NIPAL2: variants seen among roughly 807,000 people sequenced by gnomAD.
The protein encoded by NIPAL2 is NIPA-like protein 2.
NIPAL2 carries 43 observed loss-of-function variants against 48.9 expected under a neutral mutation model. That is an observed-to-expected ratio of 0.88 (90% confidence interval 0.69 to 1.13). NIPAL2 has a LOEUF of 1.13. Among genes scored for constraint, NIPAL2 ranks in the 50% most tolerant of loss-of-function variants. The pLI, the probability that NIPAL2 is intolerant of heterozygous loss-of-function variation, is 0.00. For missense variants in NIPAL2, 446 were observed against 461.4 expected, an observed-to-expected ratio of 0.97 and a Z score of 0.31; for synonymous variants, 167 against 174.6, an observed-to-expected ratio of 0.96 and a Z score of 0.34.
At chr8:98,225,413 T>C (rs1812120641) in intron 4 of NIPAL2, among the ~76,000 whole-genome samples, 2 of 152,242 alleles carry the variant, frequency 1.3e-5, no homozygotes, top group Admixed American at 6.5e-5. Context: ...CGTCAGTTCC[T>C]GCCCCCATTT....
intron 8 of NIPAL2, among the ~76,000 whole-genome samples, chr8:98,198,961 T>G (rs892703817): frequency 2.0e-5 from 3 of 146,722 alleles, no homozygotes; most frequent in Non-Finnish European, 3.0e-5. Flanking sequence ...TTTCTTTTCT[T>G]TTTTTTTTTT....
chr8:98,214,029 T>C (rs1422448779), intron 5 of NIPAL2, among the ~76,000 whole-genome samples: 1 of 152,200 alleles, frequency 6.6e-6, no homozygotes, highest in Non-Finnish European at 1.5e-5. Flanking sequence ...TCAAATTTAT[T>C]ATGAATAAGT....
intron 1 of NIPAL2, among the ~76,000 whole-genome samples, chr8:98,288,099 T>A (rs2130918219): frequency 6.6e-6 from 1 of 152,212 alleles, no homozygotes; most frequent in Non-Finnish European, 1.5e-5. Flanking sequence ...TGCAGGTTAG[T>A]TACATATGTA....
chr8:98,230,423 G>A lies in NIPAL2; in HGVS notation c.436+5732C>T, dbSNP rs766738639. Among the ~76,000 whole-genome samples, 14 of 152,300 alleles carry A rather than the reference G, an allele frequency of 9.2e-5. No homozygotes were observed. The South Asian group carries it at 1.0e-3, about 11-fold the overall frequency. On this transcript the variant is annotated intron_variant, in intron 4 of 10. Transcript: ENST00000430223. ...CACCAAAAAAGGTCCCAAGGCAAAT[G>A]TATTTGAGCAGAGGTGAATTAAACA...
rs1441994675 is a variant in NIPAL2, at chr8:98,209,663, T to C, written c.655+2742A>G. Among the ~76,000 whole-genome samples, 4 of 151,854 alleles carry C rather than the reference T, an allele frequency of 2.6e-5. No individual in the cohort carries two copies. In the East Asian group the frequency reaches 5.8e-4, roughly 22 times the overall value. On this transcript the variant is annotated intron_variant, in intron 6 of 10. Coordinates refer to ENST00000430223, the MANE Select transcript of NIPAL2 (RefSeq NM_001321635.2). ...TTGTCACTGAGTATGATTTGCTCTG[T>C]TTTATTTGCTAATTTTTTTTTTTTG...
At chr8:98,280,505 C>T (rs1256918633) in intron 1 of NIPAL2, among the ~76,000 whole-genome samples, 1 of 151,612 alleles carries the variant, frequency 6.6e-6, no homozygotes. Flanking sequence ...CTGTACACAC[C>T]AGGGGACGTG....
chr8:98,280,759 T>TAGAGAGAGAGAGAG (rs765271866), intron 1 of NIPAL2, among the ~76,000 whole-genome samples: 5 of 31,278 alleles, frequency 1.6e-4, no homozygotes, highest in Non-Finnish European at 2.8e-4. Context: ...TATATATATA[T>TAGAGAGAGAGAGAG]ATAGAGAGAG....
intron 8 of NIPAL2, among the ~76,000 whole-genome samples, chr8:98,196,319 C>A (rs1810546445): frequency 6.6e-6 from 1 of 152,238 alleles, no homozygotes; most frequent in African/African-American, 2.4e-5. Flanking sequence ...GAAAACAACA[C>A]TCTAGCAACT....
At chr8:98,194,132 G>C (rs1159105532) in intron 10 of NIPAL2, among the ~76,000 whole-genome samples, 2 of 152,200 alleles carry the variant, frequency 1.3e-5, no homozygotes, top group East Asian at 1.9e-4. Flanking sequence ...AGGGCGGGTG[G>C]ACAGGGGAAG....
chr8:98,274,178 AT>A (rs1815318967), intron 1 of NIPAL2, among the ~76,000 whole-genome samples: 1 of 152,016 alleles, frequency 6.6e-6, no homozygotes, highest in African/African-American at 2.4e-5. Flanking sequence ...ATCAAGTTTT[AT>A]AAGTTTCCAT....
At chr8:98,210,390 G>T (rs1017715945) in intron 6 of NIPAL2, among the ~76,000 whole-genome samples, 1 of 152,142 alleles carries the variant, frequency 6.6e-6, no homozygotes, top group Non-Finnish European at 1.5e-5. Context: ...AACATTTCCA[G>T]GTGGTAGGGT....
In NIPAL2 at chr8:98,266,284, A is replaced by AT. The variant is rs893769055; in HGVS notation, c.136-12198_136-12197insA. Among the ~76,000 whole-genome samples the AT allele has an allele frequency of 4.4e-4, 66 of 148,740 alleles. 1 individual carries two copies. The highest frequency in any genetic ancestry group is 1.7e-3 in the South Asian group (8 of 4,690). On this transcript the variant is annotated intron_variant, in intron 1 of 10. Transcript: ENST00000430223. ...GTACCCTAAAACTTAAAGTATAATA[A>AT]AAAAAAAAAGAAAATGAAAAAAAAA...
chr8:98,272,020 C>A (rs1320687439), intron 1 of NIPAL2, among the ~76,000 whole-genome samples: 3 of 151,972 alleles, frequency 2.0e-5, no homozygotes, highest in Non-Finnish European at 2.9e-5. Context: ...TATGTTGAAC[C>A]AAATTTGCAC....
chr8:98,193,222 G>C (rs900563647), intron 10 of NIPAL2, 132 bp from the exon 11 acceptor site: 14 of 1,051,284 alleles, frequency 1.3e-5, no homozygotes, highest in Non-Finnish European at 1.9e-5. Flanking sequence ...AAAGAGAAGA[G>C]ATGAATATCA....
intron 3 of NIPAL2, among the ~76,000 whole-genome samples, chr8:98,245,544 G>T (rs1238990011): frequency 6.6e-6 from 1 of 152,144 alleles, no homozygotes; most frequent in East Asian, 1.9e-4. Context: ...TCAAACGAGG[G>T]AACTTACCTG....
chr8:98,239,546 T>A (rs1469869914), intron 3 of NIPAL2, among the ~76,000 whole-genome samples: 1 of 152,204 alleles, frequency 6.6e-6, no homozygotes, highest in Non-Finnish European at 1.5e-5. Context: ...TCAAATTATA[T>A]CAATTGCTAT....
At chr8:98,209,608 G>A (rs1038200633) in intron 6 of NIPAL2, among the ~76,000 whole-genome samples, 12 of 152,046 alleles carry the variant, frequency 7.9e-5, no homozygotes, top group Middle Eastern at 3.4e-3. Flanking sequence ...ACAGAGCAAG[G>A]CTCTGTCTCA....
chr8:98,195,112 G>A (rs972692238), intron 9 of NIPAL2, among the ~76,000 whole-genome samples: 17 of 152,068 alleles, frequency 1.1e-4, no homozygotes, highest in African/African-American at 3.4e-4. Flanking sequence ...GCCCATGCAC[G>A]CCCAGATCCA....
At chr8:98,281,298 C>T (rs1464673360) in intron 1 of NIPAL2, among the ~76,000 whole-genome samples, 1 of 151,854 alleles carries the variant, frequency 6.6e-6, no homozygotes, top group Non-Finnish European at 1.5e-5. Context: ...CAAAGTACCC[C>T]CAAGAAGCTC....
Sources: gnomAD v4.1 joint callset for allele counts (sites outside exome capture counted in the v4.1 genomes callset) on GRCh38, gnomAD v4.1.1 for gene constraint, MANE v1.5 for transcripts, NCBI Gene and HGNC (gene_info 2026-07-23, HGNC 2026-07-21) for gene names.